The following CNOT6L variants were observed in gnomAD, a reference collection of about 807,000 sequenced individuals.
The protein encoded by CNOT6L is CCR4-NOT transcription complex subunit 6-like.
A neutral mutation model predicts 64.0 loss-of-function variants in CNOT6L; 7 were observed. The ratio of observed to expected loss-of-function variants is 0.11; its 90% CI spans 0.06 to 0.21. CNOT6L has a LOEUF of 0.21. Ranked by LOEUF, CNOT6L falls within the 10% of genes least tolerant of loss-of-function variation. The pLI, the probability that CNOT6L is intolerant of heterozygous loss-of-function variation, is 1.00. For missense variants in CNOT6L, 245 were observed against 669.0 expected, an observed-to-expected ratio of 0.37 and a Z score of 6.99; for synonymous variants, 193 against 243.4, an observed-to-expected ratio of 0.79 and a Z score of 1.93.
intron 1 of CNOT6L, among the ~76,000 whole-genome samples, chr4:77,779,576 C>G (rs796866912): frequency 1.2e-4 from 18 of 151,678 alleles, no homozygotes; most frequent in African/African-American, 4.1e-4. Context: ...AAATGTTTAC[C>G]AATATCTATA....
chr4:77,792,032 C>T (rs1730211170), intron 1 of CNOT6L, among the ~76,000 whole-genome samples: 4 of 152,096 alleles, frequency 2.6e-5, no homozygotes. Flanking sequence ...AGTTACTTTA[C>T]TTTGTTTAGA....
chr4:77,750,506 C>G (rs891551749), intron 5 of CNOT6L, among the ~76,000 whole-genome samples: 2 of 151,986 alleles, frequency 1.3e-5, no homozygotes, highest in African/African-American at 2.4e-5. Flanking sequence ...CGCCCACCAC[C>G]ACACCCAGCT....
At chr4:77,723,385 T>C (rs1425253486) in intron 11 of CNOT6L, among the ~76,000 whole-genome samples, 1 of 152,206 alleles carries the variant, frequency 6.6e-6, no homozygotes, top group African/African-American at 2.4e-5. Flanking sequence ...AACACCTCAC[T>C]GATACAATGG....
At chr4:77,773,487 T>G (rs1727830920) in intron 3 of CNOT6L, among the ~76,000 whole-genome samples, 1 of 152,172 alleles carries the variant, frequency 6.6e-6, no homozygotes, top group Non-Finnish European at 1.5e-5. Context: ...CAAATGCAAA[T>G]GCGACAGATA....
At chr4:77,794,647 A>G (rs1436324711) in intron 1 of CNOT6L, among the ~76,000 whole-genome samples, 8 of 152,198 alleles carry the variant, frequency 5.3e-5, no homozygotes, top group African/African-American at 1.9e-4. Context: ...AATGGCATCA[A>G]TGAAAAATCT....
chr4:77,733,800 C>A (rs779968073), intron 8 of CNOT6L, among the ~76,000 whole-genome samples: 4 of 152,028 alleles, frequency 2.6e-5, no homozygotes, highest in Non-Finnish European at 4.4e-5. Context: ...AATCTAATTT[C>A]TCTTCCAAAT....
intron 4 of CNOT6L, among the ~76,000 whole-genome samples, chr4:77,768,446 C>T (rs1386387295): frequency 6.9e-6 from 1 of 145,308 alleles, no homozygotes; most frequent in African/African-American, 2.6e-5. Flanking sequence ...GCCTGGGTAA[C>T]AGAGTGAGAC....
At chr4:77,761,882 A>T (rs1212972811) in intron 4 of CNOT6L, among the ~76,000 whole-genome samples, 5 of 152,316 alleles carry the variant, frequency 3.3e-5, no homozygotes, top group African/African-American at 9.6e-5. Flanking sequence ...GTAAATTTAC[A>T]AACATCACAA....
intron 1 of CNOT6L, among the ~76,000 whole-genome samples, chr4:77,800,773 T>C (rs1419436082): frequency 1.3e-5 from 2 of 152,150 alleles, no homozygotes; most frequent in Admixed American, 1.3e-4. Flanking sequence ...AGAAAAATCT[T>C]AGTAGCCCAA....
intron 6 of CNOT6L, among the ~76,000 whole-genome samples, chr4:77,748,000 T>C (rs1724400475): frequency 6.6e-6 from 1 of 152,176 alleles, no homozygotes; most frequent in African/African-American, 2.4e-5. Flanking sequence ...AAAGCTGTAT[T>C]ATAGAAATAA....
chr4:77,784,500 A>ATTTT lies in CNOT6L; in HGVS notation c.6-8112_6-8109dup, dbSNP rs71214369. Among the ~76,000 whole-genome samples the ATTTT allele has an allele frequency of 1.8e-3, 254 of 144,744 alleles. 2 individuals are homozygous for ATTTT. The highest frequency in any genetic ancestry group is 3.7e-3 in the Middle Eastern group (1 of 272). The allele number at this position is 144,744 out of a possible 152,430, so 95.0% of individuals were successfully genotyped here. On this transcript the variant is annotated intron_variant, in intron 1 of 11. Transcript: ENST00000504123. ...CATCTAAAGATACTGAATATAATCTATTTTTTTTTTTTTTTGAGACTAGGT... is the reference window on the plus strand; with the variant it reads ...CATCTAAAGATACTGAATATAATCTATTTTTTTTTTTTTTTTTTTGAGACTAGGT...
chr4:77,811,685 T>G (rs1008764060), intron 1 of CNOT6L, among the ~76,000 whole-genome samples: 9 of 152,096 alleles, frequency 5.9e-5, no homozygotes, highest in African/African-American at 2.2e-4. Context: ...CTAATCCACA[T>G]TTCACAATTC....
intron 8 of CNOT6L, among the ~76,000 whole-genome samples, chr4:77,738,638 A>T (rs1723234859): frequency 6.6e-6 from 1 of 151,406 alleles, no homozygotes; most frequent in Non-Finnish European, 1.5e-5. Context: ...CTGTAATCCC[A>T]GCTACTCAGG....
At chr4:77,791,780 T>G (rs1730176500) in intron 1 of CNOT6L, among the ~76,000 whole-genome samples, 1 of 152,174 alleles carries the variant, frequency 6.6e-6, no homozygotes, top group Non-Finnish European at 1.5e-5. Context: ...ACCCATAATA[T>G]TTTAAAAATC....
chr4:77,722,474 A>C (rs904499864), intron 11 of CNOT6L, among the ~76,000 whole-genome samples: 3 of 152,112 alleles, frequency 2.0e-5, no homozygotes, highest in African/African-American at 7.2e-5. Context: ...AAGGCCCAAG[A>C]ATTGCTTTAA....
chr4:77,742,778 AT>A (rs1723730233), intron 7 of CNOT6L, among the ~76,000 whole-genome samples: 1 of 152,208 alleles, frequency 6.6e-6, no homozygotes. Context: ...ACTTTAAGAA[AT>A]TTTTAAGTAC....
chr4:77,760,860 CTTTTTTTTTTTTTTTTTT>C (rs754195745), intron 4 of CNOT6L, among the ~76,000 whole-genome samples: 24 of 29,990 alleles, frequency 8.0e-4, no homozygotes, highest in Admixed American at 6.5e-3. Context: ...CCATGCCTGG[CTTTTTTTTTTTTTTTTTT>C]TTTTTTTTTT....
intron 5 of CNOT6L, 67 bp from the exon 6 acceptor site, chr4:77,748,451 G>T: frequency 1.0e-6 from 1 of 998,910 alleles, no homozygotes; most frequent in Non-Finnish European, 1.6e-6. Flanking sequence ...TGTTTATAAT[G>T]TCAAAAACAC....
rs533556317 is a variant in CNOT6L, at chr4:77,728,855, T to A, written c.1251A>T (p.Ser417=). The A allele has an allele frequency of 1.9e-6, 3 of 1,611,780 alleles. No individual in the cohort carries two copies. The highest frequency in any genetic ancestry group is 1.1e-5 in the South Asian group (1 of 91,014). The change falls in exon 10 of 12, where the codon TCA becomes TCT. Residue 417 remains serine, a splice_region_variant and synonymous_variant. Coordinates refer to ENST00000504123, the MANE Select transcript of CNOT6L (RefSeq NM_144571.3). ...LCADLNSLPD[S]GVVEYLSNGG... Reference sequence around the variant, plus strand: ...GTGAGGAAATGATATTATAAATACCTGAATCTGGCAATGAGTTAAGATCTG... The same window carrying A: ...GTGAGGAAATGATATTATAAATACCAGAATCTGGCAATGAGTTAAGATCTG...
Sources: allele counts gnomAD v4.1 joint callset (sites outside exome capture counted in the v4.1 genomes callset), GRCh38; gene constraint gnomAD v4.1.1; transcripts MANE v1.5; gene names NCBI Gene and HGNC (gene_info 2026-07-23, HGNC 2026-07-21).